SLC35F1: variants seen among roughly 807,000 people sequenced by gnomAD.
SLC35F1 encodes the protein chromosome 6 open reading frame 169.
SLC35F1 carries 14 observed loss-of-function variants against 48.7 expected under a neutral mutation model. The observed-to-expected ratio is 0.29, with a 90% confidence interval of 0.19 to 0.45. SLC35F1 has a LOEUF of 0.45. SLC35F1 is among the 20% of genes least tolerant of loss of function. The probability of loss-of-function intolerance (pLI) is 1.00; values close to 1 mark genes in which losing one functional copy is unlikely to be tolerated. For synonymous variants in SLC35F1, 190 were observed against 202.2 expected (o/e 0.94, Z 0.51); for missense variants, 404 against 500.0 (o/e 0.81, Z 1.83).
intron 1 of SLC35F1, among the ~76,000 whole-genome samples, chr6:117,962,312 C>T (rs960695503): frequency 1.4e-4 from 22 of 152,058 alleles, no homozygotes; most frequent in African/African-American, 5.1e-4. Context: ...TATTTTAATA[C>T]AAAAAAACAA....
chr6:117,930,795 C>T (rs1776090392), intron 1 of SLC35F1, among the ~76,000 whole-genome samples: 1 of 152,096 alleles, frequency 6.6e-6, no homozygotes, highest in Non-Finnish European at 1.5e-5. Context: ...ATTTCTGTTG[C>T]AGTGGGCACT....
intron 1 of SLC35F1, among the ~76,000 whole-genome samples, chr6:117,979,504 T>A (rs1039406615): frequency 3.9e-5 from 6 of 152,228 alleles, no homozygotes; most frequent in African/African-American, 1.4e-4. Flanking sequence ...TTACCTAACC[T>A]GCATCTAGAA....
At chr6:118,133,911 C>T (rs539994904) in intron 1 of SLC35F1, among the ~76,000 whole-genome samples, 3 of 152,292 alleles carry the variant, frequency 2.0e-5, no homozygotes, top group East Asian at 1.9e-4. Flanking sequence ...TTCCTAGAAG[C>T]GTTGGCCTAT....
chr6:118,268,111 T>C (rs932544350), intron 4 of SLC35F1, among the ~76,000 whole-genome samples: 5 of 152,158 alleles, frequency 3.3e-5, no homozygotes, highest in African/African-American at 1.2e-4. Flanking sequence ...TGTTGTACCA[T>C]AGAACTTTAT....
At chr6:118,263,945 G>A (rs772394551) in intron 3 of SLC35F1, among the ~76,000 whole-genome samples, 6 of 152,188 alleles carry the variant, frequency 3.9e-5, no homozygotes, top group Non-Finnish European at 5.9e-5. Context: ...TTCAGCTGTA[G>A]CAATTAAATA....
At chr6:118,287,922 G>C (rs1464017873) in intron 7 of SLC35F1, among the ~76,000 whole-genome samples, 4 of 152,092 alleles carry the variant, frequency 2.6e-5, no homozygotes, top group African/African-American at 9.7e-5. Context: ...GCCATCAGAA[G>C]GGAGGCTGTG....
rs369545715 is a variant in SLC35F1, at chr6:118,314,051, T to C, written c.1026T>C (p.Ser342=). 8 of 1,614,096 alleles carry C rather than the reference T, an allele frequency of 5.0e-6. No individual in the cohort carries two copies. The African/African-American group carries it at 9.3e-5, about 19-fold the overall frequency. The change falls in exon 8 of 8, where the codon TCT becomes TCC. Residue 342 remains serine (S), a synonymous_variant. Transcript: ENST00000360388. Reference sequence around the variant, plus strand: ...AGTTTTCAGGACTTTATCTCCTGTCTTTCTTCACCATCCTCATTGGGCTGG... The same window carrying C: ...AGTTTTCAGGACTTTATCTCCTGTCCTTCTTCACCATCCTCATTGGGCTGG... ...HYKFSGLYLL[S]FFTILIGLVL...
intron 1 of SLC35F1, among the ~76,000 whole-genome samples, chr6:118,034,582 T>A (rs536754782): frequency 1.3e-5 from 2 of 152,024 alleles, no homozygotes; most frequent in African/African-American, 4.8e-5. Flanking sequence ...AATAAATAAA[T>A]AATCAATCAA....
chr6:118,257,188 C>T (rs188558462), intron 3 of SLC35F1, among the ~76,000 whole-genome samples: 113 of 152,224 alleles, frequency 7.4e-4, no homozygotes, highest in Non-Finnish European at 1.4e-3. Context: ...CTCTGTCTCT[C>T]TCCATCTTTC....
At chr6:118,247,702 A>G (rs1181065242) in intron 3 of SLC35F1, among the ~76,000 whole-genome samples, 1 of 151,878 alleles carries the variant, frequency 6.6e-6, no homozygotes, top group African/African-American at 2.4e-5. Context: ...TACACCACAC[A>G]CAAAGTTTCC....
intron 1 of SLC35F1, among the ~76,000 whole-genome samples, chr6:117,986,136 T>G (rs925943067): frequency 6.6e-6 from 1 of 152,224 alleles, no homozygotes; most frequent in African/African-American, 2.4e-5. Context: ...GAATATGGCC[T>G]TCTCACAGCT....
At chr6:118,307,494 G>T (rs7764402) in intron 7 of SLC35F1, among the ~76,000 whole-genome samples, 30 of 152,212 alleles carry the variant, frequency 2.0e-4, no homozygotes, top group African/African-American at 7.0e-4. Context: ...GGAGAAATAA[G>T]GGACATGAGA....
At chr6:118,083,107 C>A (rs992133711) in intron 1 of SLC35F1, among the ~76,000 whole-genome samples, 1 of 152,164 alleles carries the variant, frequency 6.6e-6, no homozygotes, top group Admixed American at 6.5e-5. Context: ...GTTGATTAAA[C>A]TTTGTAATCT....
chr6:118,143,323 CAA>C (rs925625859), intron 1 of SLC35F1, among the ~76,000 whole-genome samples: 6 of 152,014 alleles, frequency 3.9e-5, no homozygotes, highest in African/African-American at 1.4e-4. Context: ...GGAAAAATGC[CAA>C]AGTCATTTAG....
At chr6:118,188,320 C>T (rs573508395) in intron 2 of SLC35F1, among the ~76,000 whole-genome samples, 7 of 152,250 alleles carry the variant, frequency 4.6e-5, no homozygotes, top group East Asian at 1.9e-4. Context: ...GAGGTGGAGG[C>T]GGGTGGATCA....
intron 1 of SLC35F1, among the ~76,000 whole-genome samples, chr6:118,077,435 C>T (rs1385939070): frequency 6.6e-6 from 1 of 152,180 alleles, no homozygotes; most frequent in South Asian, 2.1e-4. Context: ...CAGGGAAATA[C>T]CCTTTGAGAA....
At chr6:118,267,991 G>C (rs1279192452) in intron 4 of SLC35F1, among the ~76,000 whole-genome samples, 1 of 152,140 alleles carries the variant, frequency 6.6e-6, no homozygotes, top group Admixed American at 6.5e-5. Context: ...CTTTTCTATA[G>C]TTCTTGGAAT....
At chr6:118,068,122 T>C (rs567254087) in intron 1 of SLC35F1, among the ~76,000 whole-genome samples, 8 of 152,150 alleles carry the variant, frequency 5.3e-5, no homozygotes, top group Non-Finnish European at 1.2e-4. Context: ...ACCTTTTTCC[T>C]GCCTTTTTGT....
intron 2 of SLC35F1, among the ~76,000 whole-genome samples, chr6:118,181,694 A>G (rs939016967): frequency 1.3e-5 from 2 of 152,178 alleles, no homozygotes; most frequent in Non-Finnish European, 2.9e-5. Context: ...TACGATGATT[A>G]TAAAAGATAC....
Sources: gnomAD v4.1 joint callset for allele counts (sites outside exome capture counted in the v4.1 genomes callset) on GRCh38, gnomAD v4.1.1 for gene constraint, MANE v1.5 for transcripts, NCBI Gene and HGNC (gene_info 2026-07-23, HGNC 2026-07-21) for gene names.